AGBL1: variants seen among roughly 807,000 people sequenced by gnomAD.
AGBL1 encodes the protein cytosolic carboxypeptidase 4.
A neutral mutation model predicts 118.9 loss-of-function variants in AGBL1; 130 were observed. That is an observed-to-expected ratio of 1.09 (90% CI 0.95 to 1.26). AGBL1 has a LOEUF of 1.26. AGBL1 is among the 50% of genes most tolerant of loss of function. The probability of loss-of-function intolerance (pLI) is 0.00; values close to 1 mark genes in which losing one functional copy is unlikely to be tolerated. For synonymous variants in AGBL1, 555 were observed against 478.9 expected, an observed-to-expected ratio of 1.16 and a Z score of -2.08; for missense variants, 1,584 against 1,298.1, an observed-to-expected ratio of 1.22 and a Z score of -3.38.
rs535458863 is a variant in AGBL1, at chr15:86,215,650, TTA to T, written c.489-9263_489-9262del. On this transcript the variant is annotated intron_variant, in intron 5 of 22. Coordinates refer to ENST00000614907, the MANE Select transcript of AGBL1 (RefSeq NM_001386094.1). ...ACATGGCTACTTCAGGCAGGTTAAG[TTA>T]CCTTTCTTAGTCTCTTCATCTGTAA... is the stretch of plus-strand genomic sequence containing the variant. Among the ~76,000 whole-genome samples, 8 of 152,330 alleles carry T rather than the reference TTA, an allele frequency of 5.3e-5. No individual in the cohort carries two copies. The East Asian group carries it at 1.5e-3, about 29-fold the overall frequency.
At chr15:86,630,710 G>T (rs900456266) in intron 21 of AGBL1, 1 of 152,198 alleles carries the variant, frequency 6.6e-6, no homozygotes, top group African/African-American at 2.4e-5. Context: ...AGTGAGCTCT[G>T]CTCAGATAGC....
intron 19 of AGBL1, among the ~76,000 whole-genome samples, chr15:86,532,188 C>T (rs2083359277): frequency 1.3e-5 from 2 of 150,116 alleles, no homozygotes; most frequent in African/African-American, 4.9e-5. Flanking sequence ...TTGCAGACAA[C>T]ATGATTGTTT....
intron 1 of AGBL1, chr15:86,104,999 C>G (rs964394187): frequency 1.3e-5 from 2 of 152,176 alleles, no homozygotes; most frequent in Admixed American, 6.5e-5. Flanking sequence ...TCCAGGATCC[C>G]AGGTGATCCT....
At chr15:86,794,461 G>T (rs140612670) in intron 22 of AGBL1, among the ~76,000 whole-genome samples, 1 of 152,164 alleles carries the variant, frequency 6.6e-6, no homozygotes, top group African/African-American at 2.4e-5. Context: ...GAGGCAATGG[G>T]GAGTGATTGC....
In AGBL1 at chr15:86,192,057, C is replaced by T. The variant is rs543949375; in HGVS notation, c.489-32857C>T. 8.6e-5 allele frequency among the ~76,000 whole-genome samples: 13 copies of T among 151,794 alleles called. No individual in the cohort carries two copies. In the South Asian group the frequency reaches 2.3e-3, roughly 27 times the overall value. ...TCCAGGCTCCAGGGAGTTGATTGTG[C>T]CACTGTACTCTGTCCTGGGTGGCAG... On this transcript the variant is annotated intron_variant, in intron 5 of 22. Coordinates refer to ENST00000614907, the MANE Select transcript of AGBL1 (RefSeq NM_001386094.1).
At chr15:86,421,746 G>A (rs1351585982) in intron 18 of AGBL1, among the ~76,000 whole-genome samples, 4 of 152,166 alleles carry the variant, frequency 2.6e-5, no homozygotes, top group Non-Finnish European at 5.9e-5. Context: ...AAAATACAGG[G>A]ATGGAGGAAG....
intron 17 of AGBL1, chr15:86,296,226 A>C (rs1282305974): frequency 3.3e-5 from 5 of 149,750 alleles, no homozygotes; most frequent in Admixed American, 1.3e-4. Context: ...AAAAAAAAAA[A>C]AAACAAAAAA....
At chr15:86,254,802 T>C (rs2078869564) in intron 7 of AGBL1, among the ~76,000 whole-genome samples, 1 of 152,184 alleles carries the variant, frequency 6.6e-6, no homozygotes, top group Non-Finnish European at 1.5e-5. Context: ...ACAGCACCTT[T>C]CCATCAGCAT....
intron 13 of AGBL1, among the ~76,000 whole-genome samples, chr15:86,268,364 G>C (rs2079105892): frequency 6.6e-6 from 1 of 152,104 alleles, no homozygotes; most frequent in African/African-American, 2.4e-5. Context: ...ACTTCTTCCT[G>C]TGGCTCCTGC....
rs1166772827 is a variant in AGBL1 at position 86,900,358 on chromosome 15, C to A, written c.3159-6729C>A. On this transcript the variant is annotated intron_variant, in intron 22 of 22. Transcript: ENST00000614907. ...GTATGTTTCTTACTTTTCCTAGTTTCATCCCAGGAATCTAAGATTCCTCAG... is the reference window on the plus strand; with the variant it reads ...GTATGTTTCTTACTTTTCCTAGTTTAATCCCAGGAATCTAAGATTCCTCAG... Among the ~76,000 whole-genome samples the A allele has an allele frequency of 3.9e-5, 6 of 152,164 alleles. No individual in the cohort carries two copies. In the East Asian group the frequency reaches 1.2e-3, roughly 29 times the overall value.
chr15:86,956,174 G>A (rs1010626033), intron 23 of AGBL1, among the ~76,000 whole-genome samples: 2 of 151,868 alleles, frequency 1.3e-5, no homozygotes, highest in Admixed American at 1.3e-4. Context: ...TAGAGAAACA[G>A]AACCGGTAGG....
intron 1 of AGBL1, among the ~76,000 whole-genome samples, chr15:86,095,308 G>A (rs2141477527): frequency 6.6e-6 from 1 of 152,272 alleles, no homozygotes; most frequent in South Asian, 2.1e-4. Context: ...TTGATCTCCA[G>A]TCCCTCTCCT....
intron 22 of AGBL1, among the ~76,000 whole-genome samples, chr15:86,702,766 G>C (rs1477161590): frequency 6.6e-6 from 1 of 151,852 alleles, no homozygotes; most frequent in African/African-American, 2.4e-5. Context: ...TGGTAATATA[G>C]TTCACTTGCT....
chr15:86,455,561 A>G (rs1262773660), intron 18 of AGBL1, among the ~76,000 whole-genome samples: 2 of 152,172 alleles, frequency 1.3e-5, no homozygotes, highest in Non-Finnish European at 2.9e-5. Flanking sequence ...CAATCTTTGT[A>G]AACTCCAAAG....
At chr15:86,804,769 G>A (rs2078694790) in intron 22 of AGBL1, among the ~76,000 whole-genome samples, 1 of 152,096 alleles carries the variant, frequency 6.6e-6, no homozygotes, top group Admixed American at 6.6e-5. Flanking sequence ...GTGAGGCCCT[G>A]AGTTTTTATG....
chr15:86,951,917 A>G (rs1010146676), intron 23 of AGBL1, among the ~76,000 whole-genome samples: 3 of 152,102 alleles, frequency 2.0e-5, no homozygotes, highest in Non-Finnish European at 2.9e-5. Flanking sequence ...TTTCCATGAA[A>G]TCAACTTTGT....
intron 22 of AGBL1, among the ~76,000 whole-genome samples, chr15:86,869,757 A>AC (rs2079692676): frequency 6.6e-6 from 1 of 152,236 alleles, no homozygotes; most frequent in African/African-American, 2.4e-5. Flanking sequence ...AGGGCCATGT[A>AC]CCAAGCCCTT....
intron 17 of AGBL1, among the ~76,000 whole-genome samples, chr15:86,358,946 G>A (rs1045663481): frequency 2.0e-5 from 3 of 151,432 alleles, no homozygotes; most frequent in Non-Finnish European, 4.4e-5. Context: ...TGTATGATTT[G>A]CAAGTATTTT....
chr15:86,845,551 C>T (rs1419893944), intron 22 of AGBL1, among the ~76,000 whole-genome samples: 1 of 152,034 alleles, frequency 6.6e-6, no homozygotes. Flanking sequence ...CTGTATTTTA[C>T]TTTATTCTTT....
Sources: gnomAD v4.1 joint callset for allele counts (sites outside exome capture counted in the v4.1 genomes callset) on GRCh38, gnomAD v4.1.1 for gene constraint, MANE v1.5 for transcripts, NCBI Gene and HGNC (gene_info 2026-07-23, HGNC 2026-07-21) for gene names.